The following GRIA3 variants were observed in gnomAD, a reference collection of about 807,000 sequenced individuals.
The protein encoded by GRIA3 is glutamate ionotropic receptor AMPA type subunit 3.
GRIA3 carries 3 observed loss-of-function variants against 63.0 expected under a neutral mutation model. The observed-to-expected ratio is 0.05, with a 90% CI of 0.02 to 0.12. The LOEUF (loss-of-function observed/expected upper bound fraction) is 0.12. Among genes scored for constraint, GRIA3 ranks in the 10% least tolerant of loss-of-function variants. The pLI is 1.00. For synonymous variants in GRIA3, 274 were observed against 257.9 expected, an observed-to-expected ratio of 1.06 and a Z score of -0.60; for missense variants, 347 against 700.9, an observed-to-expected ratio of 0.50 and a Z score of 5.70.
intron 3 of GRIA3, among the ~76,000 whole-genome samples, chrX:123,280,558 C>T (rs5958206): frequency 0.37 from 41,445 of 111,036 alleles, 6,701 homozygotes; most frequent in African/African-American, 0.63. Flanking sequence ...AACAACGTAT[C>T]TAGTTTGGTC....
chrX:123,311,147 T>C (rs892140269), intron 3 of GRIA3, among the ~76,000 whole-genome samples: 3 of 111,917 alleles, frequency 2.7e-5, no homozygotes, highest in African/African-American at 9.7e-5. Context: ...AACAACCACA[T>C]GCTCATGTAT....
intron 2 of GRIA3, among the ~76,000 whole-genome samples, chrX:123,239,255 TC>T (rs2044317540): frequency 9.1e-6 from 1 of 109,852 alleles, no homozygotes; most frequent in African/African-American, 3.3e-5. Flanking sequence ...GACTCAGATC[TC>T]CCCTGACTGT....
chrX:123,420,776 GA>G (rs1419003252), intron 11 of GRIA3, among the ~76,000 whole-genome samples: 2 of 111,249 alleles, frequency 1.8e-5, no homozygotes, highest in Non-Finnish European at 3.8e-5. Context: ...ATGACAAGTT[GA>G]ACAGGTTTGT....
chrX:123,318,381 G>T (rs1470047267), intron 3 of GRIA3, among the ~76,000 whole-genome samples: 1 of 112,082 alleles, frequency 8.9e-6, no homozygotes, highest in African/African-American at 3.2e-5. Context: ...GCATCGTCAG[G>T]CTGCAAATTT....
At chrX:123,452,375 C>A (rs1393606466) in intron 12 of GRIA3, among the ~76,000 whole-genome samples, 1 of 108,046 alleles carries the variant, frequency 9.3e-6, no homozygotes, top group African/African-American at 3.4e-5. Context: ...AAAAAAAAAA[C>A]TCTAAATGGA....
At chrX:123,312,891 CA>C (rs2044805249) in intron 3 of GRIA3, among the ~76,000 whole-genome samples, 2 of 111,933 alleles carry the variant, frequency 1.8e-5, no homozygotes, top group African/African-American at 6.5e-5. Flanking sequence ...ATCATTGGGG[CA>C]AACCATTTTG....
chrX:123,429,445 C>A (rs1038297143), intron 12 of GRIA3, among the ~76,000 whole-genome samples: 15 of 111,969 alleles, frequency 1.3e-4, no homozygotes, highest in Non-Finnish European at 2.3e-4. Context: ...TAATCCCCAA[C>A]TGGGAGGAGG....
At chrX:123,214,823 T>C (rs1248932356) in intron 2 of GRIA3, among the ~76,000 whole-genome samples, 1 of 112,258 alleles carries the variant, frequency 8.9e-6, no homozygotes. Context: ...ACTTTGAGAA[T>C]GTGCTGCTAC....
At chrX:123,287,376 A>G (rs2044626957) in intron 3 of GRIA3, among the ~76,000 whole-genome samples, 1 of 112,031 alleles carries the variant, frequency 8.9e-6, no homozygotes, top group Non-Finnish European at 1.9e-5. Flanking sequence ...GCCATCTCTC[A>G]CCATTCCTAT....
chrX:123,483,715 G>A (rs1323039583), intron 15 of GRIA3, among the ~76,000 whole-genome samples: 3 of 112,082 alleles, frequency 2.7e-5, no homozygotes, highest in Non-Finnish European at 3.8e-5. Flanking sequence ...GGTGGATCAC[G>A]CAGTCAGGAG....
chrX:123,459,832 G>A (rs1220196077), intron 12 of GRIA3, among the ~76,000 whole-genome samples: 1 of 109,411 alleles, frequency 9.1e-6, no homozygotes, highest in African/African-American at 3.3e-5. Context: ...AAAAAAAAAG[G>A]AAAGAAAAAA....
intron 2 of GRIA3, among the ~76,000 whole-genome samples, chrX:123,206,812 T>TTTGA (rs1334052410): frequency 8.9e-6 from 1 of 112,175 alleles, no homozygotes; most frequent in Non-Finnish European, 1.9e-5. Context: ...ATAAACATAC[T>TTTGA]TTGATTGGAT....
intron 3 of GRIA3, among the ~76,000 whole-genome samples, chrX:123,321,578 A>G (rs764210669): frequency 8.9e-6 from 1 of 112,320 alleles, no homozygotes; most frequent in Admixed American, 9.4e-5. Context: ...CAGATGAAAT[A>G]CTAAATGTGT....
intron 12 of GRIA3, among the ~76,000 whole-genome samples, chrX:123,463,753 G>A (rs1417731061): frequency 0.032 from 3,133 of 96,844 alleles, 361 homozygotes; most frequent in African/African-American, 0.14. Context: ...GAAAGAAAAA[G>A]AGAGAAAGAA....
At chrX:123,448,478 A>T (rs2045714292) in intron 12 of GRIA3, among the ~76,000 whole-genome samples, 1 of 111,742 alleles carries the variant, frequency 8.9e-6, no homozygotes, top group Non-Finnish European at 1.9e-5. Context: ...AACTAGAAAA[A>T]TATTATAAAA....
intron 2 of GRIA3, among the ~76,000 whole-genome samples, chrX:123,240,975 TCA>T (rs1424260065): frequency 8.9e-6 from 1 of 111,963 alleles, no homozygotes; most frequent in Non-Finnish European, 1.9e-5. Context: ...TAAGAATCAT[TCA>T]TATTGCCTAA....
At chrX:123,330,126 T>C (rs144152826) in intron 4 of GRIA3, among the ~76,000 whole-genome samples, 20 of 112,080 alleles carry the variant, frequency 1.8e-4, no homozygotes, top group Non-Finnish European at 3.2e-4. Flanking sequence ...AGTTAATATA[T>C]GCAAACCATT....
chrX:123,463,564 AAG>A (rs2147430356), intron 12 of GRIA3, among the ~76,000 whole-genome samples: 1 of 30,771 alleles, frequency 3.2e-5, no homozygotes, highest in Non-Finnish European at 5.2e-5. Context: ...GGAAGGAAGG[AAG>A]GAAGGAAGGA....
At chrX:123,372,794 T>C (rs1187918380) in intron 5 of GRIA3, among the ~76,000 whole-genome samples, 1 of 111,769 alleles carries the variant, frequency 8.9e-6, no homozygotes, top group Non-Finnish European at 1.9e-5. Flanking sequence ...TTTTTCCAAA[T>C]ATAAGATCAT....
Sources: gnomAD v4.1 joint callset for allele counts (sites outside exome capture counted in the v4.1 genomes callset) on GRCh38, gnomAD v4.1.1 for gene constraint, MANE v1.5 for transcripts, NCBI Gene and HGNC (gene_info 2026-07-23, HGNC 2026-07-21) for gene names.